TSHZ2: variants seen among roughly 807,000 people sequenced by gnomAD.
TSHZ2 encodes the protein teashirt homolog 2.
A neutral mutation model predicts 74.4 loss-of-function variants in TSHZ2; 21 were observed. That is an observed-to-expected ratio of 0.28 (90% CI 0.20 to 0.41). TSHZ2 has a LOEUF of 0.41. TSHZ2 is among the 10% of genes least tolerant of loss of function. The probability of loss-of-function intolerance (pLI) is 1.00; values close to 1 mark genes in which losing one functional copy is unlikely to be tolerated. For synonymous variants in TSHZ2, 540 were observed against 515.3 expected (o/e 1.05, Z -0.65); for missense variants, 1,244 against 1,293.5 (o/e 0.96, Z 0.59).
rs1397525939 is a variant in TSHZ2 at position 53,092,789 on chromosome 20, AT to A, written c.40+119458del. ...TTGTTGCATCACGTTTGTTTTGGACATTCTGCTGGCTAGAAAGAGTAGCATA... is the reference window on the plus strand; with the variant it reads ...TTGTTGCATCACGTTTGTTTTGGACATCTGCTGGCTAGAAAGAGTAGCATA... On this transcript the variant is annotated intron_variant, in intron 1 of 2. Coordinates refer to ENST00000371497, the MANE Select transcript of TSHZ2 (RefSeq NM_173485.6). 3.3e-5 allele frequency among the ~76,000 whole-genome samples: 5 copies of A among 152,310 alleles called. No individual in the cohort carries two copies. The East Asian group carries it at 9.6e-4, about 29-fold the overall frequency.
intron 1 of TSHZ2, among the ~76,000 whole-genome samples, chr20:53,027,089 T>TC: frequency 6.9e-6 from 1 of 145,402 alleles, no homozygotes; most frequent in East Asian, 2.1e-4. Flanking sequence ...GCAACTTTTT[T>TC]GCTATCACAG....
intron 2 of TSHZ2, among the ~76,000 whole-genome samples, chr20:53,266,610 TATA>T (rs1313990191): frequency 1.3e-5 from 2 of 152,180 alleles, no homozygotes; most frequent in Non-Finnish European, 2.9e-5. Context: ...ATAATATGGC[TATA>T]ATAATAGTTA....
chr20:53,384,576 TGTGA>T (rs1981976888), intron 2 of TSHZ2, among the ~76,000 whole-genome samples: 1 of 152,160 alleles, frequency 6.6e-6, no homozygotes, highest in Non-Finnish European at 1.5e-5. Context: ...TTCCCAGCTG[TGTGA>T]CTTCAGCAAG....
chr20:53,252,796 G>A (rs1050499352), intron 1 of TSHZ2, among the ~76,000 whole-genome samples: 3 of 152,108 alleles, frequency 2.0e-5, no homozygotes, highest in African/African-American at 4.8e-5. Flanking sequence ...TAAGATAGTC[G>A]CCAAATCTCC....
At chr20:52,983,350 A>C (rs907978934) in intron 1 of TSHZ2, among the ~76,000 whole-genome samples, 1 of 152,214 alleles carries the variant, frequency 6.6e-6, no homozygotes. Context: ...TCTTCCTCAC[A>C]AATGAATGTT....
chr20:53,380,243 C>A, intron 2 of TSHZ2, among the ~76,000 whole-genome samples: 1 of 151,984 alleles, frequency 6.6e-6, no homozygotes. Context: ...AAATATGGGA[C>A]TCCTACCTGC....
intron 1 of TSHZ2, among the ~76,000 whole-genome samples, chr20:53,142,561 T>C (rs968926967): frequency 6.6e-6 from 1 of 152,156 alleles, no homozygotes; most frequent in African/African-American, 2.4e-5. Context: ...AGAGAAAAAG[T>C]GGGGCTATGT....
At chr20:53,223,486 G>A (rs571442294) in intron 1 of TSHZ2, among the ~76,000 whole-genome samples, 15 of 152,052 alleles carry the variant, frequency 9.9e-5, no homozygotes, top group Non-Finnish European at 2.1e-4. Context: ...AGAGCTCCTC[G>A]GATCAAGTGA....
chr20:53,258,564 T>A (rs537886118), intron 2 of TSHZ2, among the ~76,000 whole-genome samples: 1 of 152,240 alleles, frequency 6.6e-6, no homozygotes, highest in Non-Finnish European at 1.5e-5. Flanking sequence ...GATATGTAGA[T>A]AGGGAGAGGT....
At chr20:53,303,433 C>T (rs1170673309) in intron 2 of TSHZ2, among the ~76,000 whole-genome samples, 1 of 152,176 alleles carries the variant, frequency 6.6e-6, no homozygotes, top group African/African-American at 2.4e-5. Flanking sequence ...TCATCATCAA[C>T]AGCACAACTG....
chr20:53,327,590 A>G (rs936110570), intron 2 of TSHZ2, among the ~76,000 whole-genome samples: 1 of 152,240 alleles, frequency 6.6e-6, no homozygotes, highest in Non-Finnish European at 1.5e-5. Context: ...GAGATGCGAT[A>G]TTAGTCCTGT....
intron 1 of TSHZ2, among the ~76,000 whole-genome samples, chr20:53,207,834 A>G (rs1054347840): frequency 2.0e-5 from 3 of 147,416 alleles, no homozygotes; most frequent in South Asian, 2.2e-4. Context: ...GGCATGCACC[A>G]TCGTGCCCAG....
At chr20:53,452,823 G>C (rs546275168) in intron 2 of TSHZ2, among the ~76,000 whole-genome samples, 1 of 152,296 alleles carries the variant, frequency 6.6e-6, no homozygotes, top group African/African-American at 2.4e-5. Context: ...AGTTCTGCCT[G>C]TTGTTTGTGT....
At chr20:53,470,537 C>T (rs943665057) in intron 2 of TSHZ2, among the ~76,000 whole-genome samples, 20 of 152,062 alleles carry the variant, frequency 1.3e-4, no homozygotes, top group Admixed American at 5.2e-4. Flanking sequence ...AACACTTGGC[C>T]GGGCGCGGTG....
At chr20:52,977,572 A>G (rs755012246) in intron 1 of TSHZ2, among the ~76,000 whole-genome samples, 21 of 152,090 alleles carry the variant, frequency 1.4e-4, no homozygotes, top group Non-Finnish European at 2.6e-4. Context: ...AGATTCCTTG[A>G]AATCGCTTGG....
At chr20:53,446,826 G>T (rs1288920393) in intron 2 of TSHZ2, among the ~76,000 whole-genome samples, 1 of 152,170 alleles carries the variant, frequency 6.6e-6, no homozygotes, top group Non-Finnish European at 1.5e-5. Flanking sequence ...AGAAGTCCCA[G>T]CTCCTAACAT....
intron 1 of TSHZ2, among the ~76,000 whole-genome samples, chr20:53,034,584 G>A (rs577952039): frequency 6.6e-5 from 10 of 152,302 alleles, no homozygotes; most frequent in East Asian, 1.9e-4. Context: ...TTTGTGAGTC[G>A]GAAGTTATTT....
At chr20:53,031,175 A>G (rs1270423473) in intron 1 of TSHZ2, among the ~76,000 whole-genome samples, 1 of 152,216 alleles carries the variant, frequency 6.6e-6, no homozygotes, top group African/African-American at 2.4e-5. Context: ...TCACCCTAGA[A>G]AGGATAATTT....
At chr20:53,258,213 A>G (rs1234977387) in intron 2 of TSHZ2, among the ~76,000 whole-genome samples, 1 of 152,228 alleles carries the variant, frequency 6.6e-6, no homozygotes, top group Admixed American at 6.5e-5. Context: ...CTTTCCAAGC[A>G]TGATTTGTTC....
Sources: allele counts gnomAD v4.1 joint callset (sites outside exome capture counted in the v4.1 genomes callset), GRCh38; gene constraint gnomAD v4.1.1; transcripts MANE v1.5; gene names NCBI Gene and HGNC (gene_info 2026-07-23, HGNC 2026-07-21).